EPHB1: variants seen among roughly 807,000 people sequenced by gnomAD.
EPHB1 encodes EPH receptor B1.
In EPHB1, 30 loss-of-function variants were observed where a neutral mutation model predicts 94.4. The observed-to-expected ratio is 0.32, with a 90% confidence interval of 0.24 to 0.43. The LOEUF is 0.43. EPHB1 is among the 20% of genes least tolerant of loss of function. EPHB1 has a pLI of 1.00. For synonymous variants in EPHB1, 522 were observed against 489.1 expected (o/e 1.07, Z -0.89); for missense variants, 1,055 against 1,308.3 (o/e 0.81, Z 2.99).
intron 12 of EPHB1, among the ~76,000 whole-genome samples, chr3:135,207,941 A>G (rs1345741802): frequency 1.3e-5 from 2 of 152,212 alleles, no homozygotes; most frequent in Non-Finnish European, 2.9e-5. Flanking sequence ...CCTTCATGAC[A>G]TAAACTAACT....
At chr3:134,984,902 G>A (rs1421960590) in intron 3 of EPHB1, among the ~76,000 whole-genome samples, 1 of 152,156 alleles carries the variant, frequency 6.6e-6, no homozygotes, top group Non-Finnish European at 1.5e-5. Context: ...AGGTAGCAGA[G>A]GTAGAGTAGT....
intron 10 of EPHB1, among the ~76,000 whole-genome samples, chr3:135,190,711 A>G (rs2107709156): frequency 6.6e-6 from 1 of 152,244 alleles, no homozygotes; most frequent in East Asian, 1.9e-4. Flanking sequence ...TACAAATTCA[A>G]ATAGTGGTAC....
intron 3 of EPHB1, among the ~76,000 whole-genome samples, chr3:135,104,319 T>C (rs761795745): frequency 3.5e-4 from 53 of 152,170 alleles, no homozygotes; most frequent in Non-Finnish European, 6.6e-4. Flanking sequence ...CCGTAATGAG[T>C]GGGCTGGGAA....
intron 3 of EPHB1, among the ~76,000 whole-genome samples, chr3:135,078,294 G>A (rs1554674): frequency 0.027 from 4,091 of 152,256 alleles, 216 homozygotes; most frequent in African/African-American, 0.093. Flanking sequence ...AGAGAGGGAT[G>A]GGTCTTCCCA....
chr3:135,030,872 C>T (rs754843414), intron 3 of EPHB1, among the ~76,000 whole-genome samples: 21 of 152,298 alleles, frequency 1.4e-4, no homozygotes, highest in Admixed American at 5.2e-4. Flanking sequence ...TAGCAATCAG[C>T]GAGACTCCTT....
intron 3 of EPHB1, among the ~76,000 whole-genome samples, chr3:135,076,259 AT>A (rs1385899965): frequency 2.2e-5 from 3 of 138,562 alleles, no homozygotes; most frequent in African/African-American, 9.2e-5. Context: ...ATATATATAT[AT>A]AACTCTTAAA....
chr3:134,917,354 A>AT (rs2038596632), intron 1 of EPHB1, among the ~76,000 whole-genome samples: 1 of 152,136 alleles, frequency 6.6e-6, no homozygotes, highest in South Asian at 2.1e-4. Context: ...AGACCTTCCC[A>AT]TGTCCCCATG....
rs1288492499 is a variant in EPHB1 at position 135,043,061 on chromosome 3, T to C, written c.806-63387T>C. 2.0e-5 allele frequency among the ~76,000 whole-genome samples: 3 copies of C among 151,908 alleles called. No individual in the cohort carries two copies. The East Asian group carries it at 5.8e-4, about 29-fold the overall frequency. On this transcript the variant is annotated intron_variant, in intron 3 of 15. Coordinates refer to ENST00000398015, the MANE Select transcript of EPHB1 (RefSeq NM_004441.5). Reference sequence around the variant, plus strand: ...TTCGCCACATTGCTATGGCTAGTCTTGAACTCCTGAGCTCAAGCAATCCAC... The same window carrying C: ...TTCGCCACATTGCTATGGCTAGTCTCGAACTCCTGAGCTCAAGCAATCCAC...
chr3:134,800,901 G>A (rs1365133009), intron 1 of EPHB1, among the ~76,000 whole-genome samples: 1 of 152,208 alleles, frequency 6.6e-6, no homozygotes, highest in Non-Finnish European at 1.5e-5. Context: ...TAAGTAATTT[G>A]ATAAGGTCAC....
At chr3:134,928,803 G>A (rs504033) in intron 2 of EPHB1, among the ~76,000 whole-genome samples, 89,159 of 151,898 alleles carry the variant, frequency 0.59, 28,388 homozygotes, top group African/African-American at 0.85. Context: ...GCACTGAAGT[G>A]CCAAATAGAA....
rs754313971 is a variant in EPHB1 at position 134,951,874 on chromosome 3, T to C, written c.627T>C (p.Thr209=). 3.7e-6 allele frequency: 6 copies of C among 1,613,940 alleles called. No homozygotes were observed. In the Admixed American group the frequency reaches 6.7e-5, roughly 18 times the overall value. ...IVQNFAVFPE[T]MTGAESTSLV... ...AAAATTTTGCAGTGTTTCCAGAGAC[T>C]ATGACAGGGGCAGAGAGCACATCTC... Residue 209 remains threonine, a synonymous_variant, in exon 3 of 16, where the codon ACT becomes ACC. Coordinates refer to ENST00000398015, the MANE Select transcript of EPHB1 (RefSeq NM_004441.5). This position sits in a 1 kb window ranked among gnomAD's most constrained non-coding sequence, Gnocchi z 4.5.
Position 134,859,124 on chromosome 3 carries a change from C to T in EPHB1, c.58+63435C>T, listed in dbSNP as rs141791712. 5.3e-3 allele frequency among the ~76,000 whole-genome samples: 803 copies of T among 152,324 alleles called. 8 individuals are homozygous for T. The highest frequency in any genetic ancestry group is 0.018 in the African/African-American group (769 of 41,576). On this transcript the variant is annotated intron_variant, in intron 1 of 15. Transcript: ENST00000398015. ...CTGAGAGGTGGAAAAACACCTTGGA[C>T]TTCTCCCTGGTTTCTTGAGTCCTTC...
At chr3:135,162,827 C>G (rs1941547263) in intron 7 of EPHB1, among the ~76,000 whole-genome samples, 1 of 152,188 alleles carries the variant, frequency 6.6e-6, no homozygotes, top group Non-Finnish European at 1.5e-5. Context: ...AGCAATAGTT[C>G]TGAAAAATCT....
intron 3 of EPHB1, among the ~76,000 whole-genome samples, chr3:135,074,566 T>C (rs549678960): frequency 6.6e-6 from 1 of 152,330 alleles, no homozygotes; most frequent in South Asian, 2.1e-4. Flanking sequence ...AAACACACCA[T>C]TTTCAGTTAG....
intron 2 of EPHB1, among the ~76,000 whole-genome samples, chr3:134,932,730 T>C (rs1318856993): frequency 6.6e-6 from 1 of 152,246 alleles, no homozygotes; most frequent in African/African-American, 2.4e-5. Flanking sequence ...GGCTGAATTT[T>C]CTGTTTTCTC....
intron 12 of EPHB1, among the ~76,000 whole-genome samples, chr3:135,216,110 G>A (rs556203870): frequency 6.6e-6 from 1 of 152,232 alleles, no homozygotes; most frequent in South Asian, 2.1e-4. Flanking sequence ...TTCACGGGGT[G>A]GCAACACCTG....
intron 12 of EPHB1, among the ~76,000 whole-genome samples, chr3:135,227,720 TCAAAGAATTTG>T (rs1276963124): frequency 6.6e-6 from 1 of 152,208 alleles, no homozygotes; most frequent in Non-Finnish European, 1.5e-5. Flanking sequence ...AATTTCTAGA[TCAAAGAATTTG>T]CACATTAATT....
At chr3:134,932,317 C>A (rs1203121046) in intron 2 of EPHB1, among the ~76,000 whole-genome samples, 1 of 152,192 alleles carries the variant, frequency 6.6e-6, no homozygotes, top group African/African-American at 2.4e-5. Flanking sequence ...GGCCACTTGG[C>A]AGCCCCTGGC....
chr3:135,110,363 TAGATG>T (rs1473223104), intron 4 of EPHB1, among the ~76,000 whole-genome samples: 2 of 152,120 alleles, frequency 1.3e-5, no homozygotes, highest in Non-Finnish European at 2.9e-5. Flanking sequence ...GCCGACCCCT[TAGATG>T]AGGGACACAG....
Sources: allele counts gnomAD v4.1 joint callset (sites outside exome capture counted in the v4.1 genomes callset), GRCh38; gene constraint gnomAD v4.1.1; non-coding constraint Gnocchi (gnomAD v3.1); transcripts MANE v1.5; gene names NCBI Gene and HGNC (gene_info 2026-07-23, HGNC 2026-07-21).